TANGO6: variants seen among roughly 807,000 people sequenced by gnomAD.
TANGO6 encodes transport and Golgi organization protein 6 homolog.
In TANGO6, 90 loss-of-function variants were observed where a neutral mutation model predicts 114.2. That is an observed-to-expected ratio of 0.79 (90% confidence interval 0.66 to 0.94). The LOEUF is 0.94. Among genes scored for constraint, TANGO6 ranks in the 40% least tolerant of loss-of-function variants. The pLI, the probability that TANGO6 is intolerant of heterozygous loss-of-function variation, is 0.00. For synonymous variants in TANGO6, 477 were observed against 509.8 expected (o/e 0.94, Z 0.87); for missense variants, 1,274 against 1,315.3 (o/e 0.97, Z 0.49).
intron 14 of TANGO6, among the ~76,000 whole-genome samples, chr16:68,969,869 C>CTCT (rs987106078): frequency 6.6e-6 from 1 of 152,076 alleles, no homozygotes; most frequent in Non-Finnish European, 1.5e-5. Flanking sequence ...GCCATCGGGT[C>CTCT]TCTTCTTCTT....
At chr16:69,038,563 G>C (rs909166153) in intron 16 of TANGO6, among the ~76,000 whole-genome samples, 18 of 152,030 alleles carry the variant, frequency 1.2e-4, no homozygotes, top group African/African-American at 4.4e-4. Context: ...AGAAAGGTTT[G>C]TTGTCATTCT....
rs1259174956 is a variant in TANGO6, at chr16:68,919,087, G to A, written c.1995G>A (p.Val665=). 28 of 1,610,270 alleles carry A rather than the reference G, an allele frequency of 1.7e-5. No individual in the cohort carries two copies. Among genetic ancestry groups the A allele is most frequent in the Middle Eastern group, 1.6e-4 (1 of 6,068 alleles). Reference sequence around the variant, plus strand: ...TCTCAATTCCCTTTTTTGGGTAGGTGGTGGACTTTGTAGCAGCAACATTGC... The same window carrying A: ...TCTCAATTCCCTTTTTTGGGTAGGTAGTGGACTTTGTAGCAGCAACATTGC... ...SEQIFTNVTQ[V]VDFVAATLQR... The change falls in exon 12 of 18, where the codon GTG becomes GTA. Residue 665 remains valine, a splice_region_variant and synonymous_variant. Coordinates refer to ENST00000261778, the MANE Select transcript of TANGO6 (RefSeq NM_024562.2).
intron 17 of TANGO6, among the ~76,000 whole-genome samples, chr16:69,068,345 T>G (rs1960249059): frequency 6.6e-6 from 1 of 152,100 alleles, no homozygotes; most frequent in Non-Finnish European, 1.5e-5. Context: ...GACGGTACAG[T>G]ATAGTGATTA....
At chr16:69,072,068 TA>T (rs1960303336) in intron 17 of TANGO6, among the ~76,000 whole-genome samples, 161 of 100,330 alleles carry the variant, frequency 1.6e-3, no homozygotes, top group African/African-American at 2.5e-3. Flanking sequence ...TGTGTGTGTG[TA>T]GAGAGAGGGA....
chr16:69,043,863 C>T (rs1959810624), intron 17 of TANGO6, among the ~76,000 whole-genome samples: 1 of 152,166 alleles, frequency 6.6e-6, no homozygotes, highest in African/African-American at 2.4e-5. Flanking sequence ...AGTGAATTCT[C>T]TGTTGCTTGT....
chr16:69,041,498 T>TA (rs1404603898), intron 17 of TANGO6, among the ~76,000 whole-genome samples: 1 of 152,170 alleles, frequency 6.6e-6, no homozygotes, highest in Non-Finnish European at 1.5e-5. Flanking sequence ...ACATGGGCTT[T>TA]ATTCATCCTA....
chr16:68,909,579 G>T, intron 11 of TANGO6, 177 bp downstream of exon 11: 3 of 481,224 alleles, frequency 6.2e-6, no homozygotes, highest in Non-Finnish European at 9.9e-6. Context: ...AAACGTTCCA[G>T]TGTCCTGAGA....
At chr16:69,031,703 G>T (rs1959596510) in intron 16 of TANGO6, among the ~76,000 whole-genome samples, 1 of 151,816 alleles carries the variant, frequency 6.6e-6, no homozygotes, top group African/African-American at 2.4e-5. Context: ...TGTCGCCCAG[G>T]CTGGAGTGCA....
intron 16 of TANGO6, among the ~76,000 whole-genome samples, chr16:69,033,367 G>A (rs1191221113): frequency 6.6e-6 from 1 of 152,158 alleles, no homozygotes; most frequent in Non-Finnish European, 1.5e-5. Context: ...GTGAGCATCT[G>A]TTATCTGGCA....
chr16:69,022,451 C>G (rs938245633), intron 15 of TANGO6, among the ~76,000 whole-genome samples: 2 of 152,148 alleles, frequency 1.3e-5, no homozygotes, highest in African/African-American at 2.4e-5. Flanking sequence ...CTCCTGTAAT[C>G]CCAGCACTTT....
intron 14 of TANGO6, among the ~76,000 whole-genome samples, chr16:68,970,099 T>C (rs1303948109): frequency 6.6e-6 from 1 of 152,126 alleles, no homozygotes; most frequent in East Asian, 1.9e-4. Flanking sequence ...TGGAAGATCC[T>C]AACTGGCCAG....
intron 15 of TANGO6, among the ~76,000 whole-genome samples, chr16:68,982,710 A>C (rs1963850412): frequency 7.2e-6 from 1 of 139,134 alleles, no homozygotes. Context: ...GGGCTCAAGC[A>C]ATCCTCCCAC....
chr16:68,847,754 C>T (rs1372721256), intron 1 of TANGO6, among the ~76,000 whole-genome samples: 1 of 152,174 alleles, frequency 6.6e-6, no homozygotes, highest in African/African-American at 2.4e-5. Flanking sequence ...AATCCTAGCA[C>T]TTTGGGAGGC....
chr16:69,031,863 A>T (rs963038359), intron 16 of TANGO6, among the ~76,000 whole-genome samples: 9 of 151,792 alleles, frequency 5.9e-5, no homozygotes, highest in Non-Finnish European at 1.3e-4. Flanking sequence ...GGGTTTCACC[A>T]TGTTGCCTAG....
intron 15 of TANGO6, among the ~76,000 whole-genome samples, chr16:69,008,544 G>A (rs150103010): frequency 3.3e-5 from 5 of 152,260 alleles, no homozygotes; most frequent in African/African-American, 1.2e-4. Flanking sequence ...ACTGTGCCTG[G>A]CCTTGTATGT....
chr16:68,979,364 G>A (rs1963800634), intron 15 of TANGO6, among the ~76,000 whole-genome samples: 2 of 151,996 alleles, frequency 1.3e-5, no homozygotes, highest in African/African-American at 4.8e-5. Flanking sequence ...CGAGTAGCTG[G>A]GACTACAGGC....
At chr16:69,080,931 G>A (rs1247950701) in intron 17 of TANGO6, among the ~76,000 whole-genome samples, 2 of 152,268 alleles carry the variant, frequency 1.3e-5, no homozygotes, top group African/African-American at 4.8e-5. Context: ...GAGGTCAGGA[G>A]ATCGAGACCA....
chr16:68,932,571 G>A (rs1209385118), intron 14 of TANGO6, among the ~76,000 whole-genome samples: 5 of 151,968 alleles, frequency 3.3e-5, no homozygotes, highest in African/African-American at 9.7e-5. Flanking sequence ...GATCACTTGA[G>A]ATCAGGAGTT....
At chr16:68,949,811 A>G in intron 14 of TANGO6, among the ~76,000 whole-genome samples, 1 of 151,792 alleles carries the variant, frequency 6.6e-6, no homozygotes. Context: ...ATGAAAACAT[A>G]TGTCCACACA....
Sources: gnomAD v4.1 joint callset for allele counts (sites outside exome capture counted in the v4.1 genomes callset) on GRCh38, gnomAD v4.1.1 for gene constraint, MANE v1.5 for transcripts, NCBI Gene and HGNC (gene_info 2026-07-23, HGNC 2026-07-21) for gene names.